SLC7A11: variants seen among roughly 807,000 people sequenced by gnomAD.
The protein encoded by SLC7A11 is solute carrier family 7 member 11, also known as cystine/glutamate transporter.
In SLC7A11, 35 loss-of-function variants were observed where a neutral mutation model predicts 54.5. The observed-to-expected ratio is 0.64, with a 90% CI of 0.49 to 0.85. The LOEUF is 0.85. Ranked by LOEUF, SLC7A11 falls within the 40% of genes least tolerant of loss-of-function variation. The pLI is 0.00. For missense variants in SLC7A11, 583 were observed against 618.1 expected (o/e 0.94, Z 0.60); for synonymous variants, 230 against 225.2 (o/e 1.02, Z -0.19).
At chr4:138,241,149 A>G (rs1738367855) in intron 1 of SLC7A11, among the ~76,000 whole-genome samples, 2 of 152,210 alleles carry the variant, frequency 1.3e-5, no homozygotes, top group Non-Finnish European at 2.9e-5. Context: ...ATGGGTATTG[A>G]GAAGAGATGA....
chr4:138,236,072 T>C (rs962390007), intron 2 of SLC7A11, among the ~76,000 whole-genome samples: 1 of 152,236 alleles, frequency 6.6e-6, no homozygotes, highest in Non-Finnish European at 1.5e-5. Flanking sequence ...TCAAAGAGAA[T>C]AGCTGAGGGT....
chr4:138,208,876 A>G (rs1236597593), intron 6 of SLC7A11, among the ~76,000 whole-genome samples: 1 of 152,114 alleles, frequency 6.6e-6, no homozygotes, highest in African/African-American at 2.4e-5. Context: ...TTCTTGGAGA[A>G]GAAAACATTG....
intron 5 of SLC7A11, among the ~76,000 whole-genome samples, chr4:138,217,701 C>T (rs966072813): frequency 7.2e-5 from 11 of 152,174 alleles, no homozygotes; most frequent in African/African-American, 1.2e-4. Flanking sequence ...GCATATTGCC[C>T]GGCTCCCAAC....
At chr4:138,176,791 A>G (rs1158982817) in intron 11 of SLC7A11, 5 of 152,182 alleles carry the variant, frequency 3.3e-5, no homozygotes, top group African/African-American at 1.2e-4. Context: ...CAGATTTCAC[A>G]GCGATGAGTG....
At chr4:138,219,237 A>G (rs1737748609) in intron 5 of SLC7A11, 29 bp downstream of exon 5, 2 of 1,321,478 alleles carry the variant, frequency 1.5e-6, no homozygotes, top group Non-Finnish European at 1.1e-6. Flanking sequence ...GAACTACGCA[A>G]ACCACCAGAT....
intron 6 of SLC7A11, among the ~76,000 whole-genome samples, chr4:138,196,730 G>A (rs1737141609): frequency 6.6e-6 from 1 of 151,970 alleles, no homozygotes; most frequent in African/African-American, 2.4e-5. Context: ...CACAATCTCG[G>A]CTCACTGCAA....
intron 6 of SLC7A11, among the ~76,000 whole-genome samples, chr4:138,191,299 T>G (rs1445998694): frequency 6.6e-6 from 1 of 152,142 alleles, no homozygotes; most frequent in African/African-American, 2.4e-5. Flanking sequence ...GGCAAGGCTA[T>G]GGGTGTTTTC....
intron 11 of SLC7A11, chr4:138,174,332 T>G (rs1736511919): frequency 6.6e-6 from 1 of 152,262 alleles, no homozygotes; most frequent in Non-Finnish European, 1.5e-5. Context: ...GGGTCCGTTA[T>G]TCAGTAGCAG....
At chr4:138,184,271 A>G (rs1034011717) in intron 7 of SLC7A11, among the ~76,000 whole-genome samples, 2 of 152,162 alleles carry the variant, frequency 1.3e-5, no homozygotes, top group Admixed American at 6.6e-5. Flanking sequence ...TTCAAATGAA[A>G]TGAGATAATT....
rs539022399 is a variant in SLC7A11 at position 138,182,324 on chromosome 4, G to A, written c.1089C>T (p.His363=). The A allele has an allele frequency of 1.9e-6, 3 of 1,610,664 alleles. No individual in the cohort carries two copies. Among genetic ancestry groups the A allele is most frequent in the East Asian group, 2.2e-5 (1 of 44,774 alleles). ...AAACAATAACAGCTGGTAGAGGAGTGTGCTTGCGGACATGAATCATGGAGA... is the reference window on the plus strand; with the variant it reads ...AAACAATAACAGCTGGTAGAGGAGTATGCTTGCGGACATGAATCATGGAGA... The part of the protein sequence containing the change: ...EILSMIHVRK[H]TPLPAVIVLH... Residue 363 remains histidine, a synonymous_variant, in exon 9 of 12, where the codon CAC becomes CAT. Transcript: ENST00000280612.
At position 138,191,571 on chromosome 4, in the gene SLC7A11, C is replaced by A. The variant is rs552627845; in HGVS notation, c.792-6327G>T. Among the ~76,000 whole-genome samples the A allele has an allele frequency of 3.3e-5, 5 of 152,176 alleles. No individual in the cohort carries two copies. The East Asian group carries it at 9.6e-4, about 29-fold the overall frequency. On this transcript the variant is annotated intron_variant, in intron 6 of 11. Coordinates refer to ENST00000280612, the MANE Select transcript of SLC7A11 (RefSeq NM_014331.4). The stretch of plus-strand genomic sequence containing the variant: ...CAGAAGGGTCACTCTTAGCCACCAC[C>A]ACACAGAGAAATGAACTAAAATGAA...
intron 3 of SLC7A11, 104 bp downstream of exon 3, chr4:138,232,163 T>C: frequency 1.3e-6 from 1 of 794,648 alleles, no homozygotes. Flanking sequence ...AAAAAGAACA[T>C]GATGTGAGAG....
intron 6 of SLC7A11, among the ~76,000 whole-genome samples, chr4:138,198,349 A>G (rs1489013618): frequency 1.3e-5 from 2 of 152,178 alleles, no homozygotes; most frequent in African/African-American, 2.4e-5. Flanking sequence ...TACAAATAAT[A>G]TAATAGATAA....
intron 3 of SLC7A11, among the ~76,000 whole-genome samples, chr4:138,229,474 G>C (rs1738023284): frequency 6.6e-6 from 1 of 152,156 alleles, no homozygotes. Context: ...TTTCAAGCTT[G>C]CAAAAGGAAC....
chr4:138,174,682 T>G (rs1736524293), intron 11 of SLC7A11: 1 of 152,190 alleles, frequency 6.6e-6, no homozygotes, highest in Admixed American at 6.5e-5. Flanking sequence ...CTGTCATGTC[T>G]ACATCCATGT....
In SLC7A11 at chr4:138,185,241, G is replaced by C; in HGVS notation, c.795C>G (p.Thr265=). ...VTEEVENPEK[T]IPLAICISMA... ...TGGATATACATATTGCAAGGGGAAT[G>C]GTTCTGAAATGCACAAAGGAATCAC... is the stretch of plus-strand genomic sequence containing the variant. The change falls in exon 7 of 12, where the codon ACC becomes ACG. Residue 265 remains threonine, a synonymous_variant. Transcript: ENST00000280612. 2 of 1,612,400 alleles carry C rather than the reference G, an allele frequency of 1.2e-6. No individual in the cohort carries two copies. The highest frequency in any genetic ancestry group is 1.7e-6 in the Non-Finnish European group (2 of 1,178,838).
rs117666962 is a variant in SLC7A11 at position 138,228,877 on chromosome 4, T to A, written c.520+3390A>T. The stretch of plus-strand genomic sequence containing the variant: ...TCTTAACTTCCACGCACCTGACATG[T>A]TTACTGGAATGGATGAAATTTGTAT... On this transcript the variant is annotated intron_variant, in intron 3 of 11. Transcript: ENST00000280612. Among the ~76,000 whole-genome samples, 205 of 152,148 alleles carry A rather than the reference T, an allele frequency of 1.3e-3. 4 individuals are homozygous for A. In the East Asian group the frequency reaches 0.036, roughly 26 times the overall value.
intron 1 of SLC7A11, among the ~76,000 whole-genome samples, chr4:138,237,012 G>A (rs1738227669): frequency 8.0e-6 from 1 of 125,138 alleles, no homozygotes; most frequent in Admixed American, 9.6e-5. Flanking sequence ...TTGAGACGGA[G>A]TCTCACTCTG....
intron 6 of SLC7A11, among the ~76,000 whole-genome samples, chr4:138,195,947 GT>G (rs1737121058): frequency 6.6e-6 from 1 of 151,936 alleles, no homozygotes; most frequent in Non-Finnish European, 1.5e-5. Context: ...CTCTTTTGTT[GT>G]TGTTTTATTT....
Sources: gnomAD v4.1 joint callset for allele counts (sites outside exome capture counted in the v4.1 genomes callset) on GRCh38, gnomAD v4.1.1 for gene constraint, MANE v1.5 for transcripts, NCBI Gene and HGNC (gene_info 2026-07-23, HGNC 2026-07-21) for gene names.